The following LMNB2 variants were observed in gnomAD, a reference collection of about 807,000 sequenced individuals.
LMNB2 encodes lamin B2, also known as lamin-B2.
Under a neutral mutation model 69.3 loss-of-function variants are expected in LMNB2, and 17 were observed. The ratio of observed to expected loss-of-function variants is 0.25; its 90% CI spans 0.17 to 0.37. The LOEUF is 0.37. Among genes scored for constraint, LMNB2 ranks in the 10% least tolerant of loss-of-function variants. The pLI is 1.00. For synonymous variants in LMNB2, 397 were observed against 389.3 expected, an observed-to-expected ratio of 1.02 and a Z score of -0.23; for missense variants, 789 against 883.6, an observed-to-expected ratio of 0.89 and a Z score of 1.36.
intron 1 of LMNB2, among the ~76,000 whole-genome samples, chr19:2,450,242 G>A (rs1972006547): frequency 6.6e-6 from 1 of 151,996 alleles, no homozygotes; most frequent in African/African-American, 2.4e-5. Context: ...AGCCCGCTCA[G>A]GACCAACCAG....
At chr19:2,450,019 G>T (rs1281095983) in intron 1 of LMNB2, among the ~76,000 whole-genome samples, 18 of 152,000 alleles carry the variant, frequency 1.2e-4, no homozygotes, top group Non-Finnish European at 7.4e-5. Context: ...AGGTTGTGGT[G>T]AGCCAAGATC....
At chr19:2,456,634 T>A in intron 1 of LMNB2, 36 bp downstream of exon 1, 1 of 1,441,892 alleles carries the variant, frequency 6.9e-7, no homozygotes, top group East Asian at 3.2e-5. Flanking sequence ...GCCTGCCGGC[T>A]GCACCCCCGC....
chr19:2,437,176 C>A (rs955078197), intron 4 of LMNB2: 2 of 152,694 alleles, frequency 1.3e-5, no homozygotes, highest in Admixed American at 1.3e-4. Context: ...CCCCGGCATT[C>A]CACCCTGCAC....
rs555547660 is a variant in LMNB2 at position 2,430,196 on chromosome 19, T to G, written c.*715A>C. ...CTTACGACGGGACTGTCCTCATTCTTCCTTCCCCAGGTCTTCCCCTCCCCT... is the reference window on the plus strand; with the variant it reads ...CTTACGACGGGACTGTCCTCATTCTGCCTTCCCCAGGTCTTCCCCTCCCCT... On this transcript the variant is annotated 3_prime_UTR_variant, in exon 12 of 12. Transcript: ENST00000325327. 1 of 157,812 alleles carries G rather than the reference T, an allele frequency of 6.3e-6. No individual in the cohort carries two copies. Among genetic ancestry groups the G allele is most frequent in the Admixed American group, 6.0e-5 (1 of 16,686 alleles). 9.8% of individuals were successfully genotyped at this position (157,812 alleles called of 1,614,324 possible).
rs570998589 is a variant in LMNB2, at chr19:2,449,400, C to T, written c.265-4860G>A. ...ACGTCTCCTAACGACACGCTTTCCACAAGGTATCCCTGTCACTAAACGACA... is the reference window on the plus strand; with the variant it reads ...ACGTCTCCTAACGACACGCTTTCCATAAGGTATCCCTGTCACTAAACGACA... On this transcript the variant is annotated intron_variant, in intron 1 of 11. Transcript: ENST00000325327. Among the ~76,000 whole-genome samples the T allele has an allele frequency of 5.3e-4, 81 of 152,270 alleles. 1 individual carries two copies. Among genetic ancestry groups the T allele is most frequent in the African/African-American group, 1.9e-3 (80 of 41,514 alleles).
chr19:2,431,299 C>T (rs1243824331), intron 11 of LMNB2, among the ~76,000 whole-genome samples: 4 of 152,202 alleles, frequency 2.6e-5, no homozygotes, highest in Admixed American at 2.6e-4. Flanking sequence ...ACACCCACCT[C>T]TCAGGGGACC....
At chr19:2,432,338 AG>A in intron 9 of LMNB2, 77 bp downstream of exon 9, 2 of 981,308 alleles carry the variant, frequency 2.0e-6, no homozygotes, top group Admixed American at 1.8e-5. Flanking sequence ...ACCCCCGCCA[AG>A]TCCTGTGCCT....
chr19:2,445,397 G>C (rs924694249), intron 1 of LMNB2, among the ~76,000 whole-genome samples: 10 of 152,122 alleles, frequency 6.6e-5, no homozygotes, highest in Non-Finnish European at 1.3e-4. Flanking sequence ...GGAGGGAGGA[G>C]CATCTGGCCT....
intron 2 of LMNB2, among the ~76,000 whole-genome samples, chr19:2,441,240 C>T (rs1255568449): frequency 6.6e-6 from 1 of 152,266 alleles, no homozygotes; most frequent in African/African-American, 2.4e-5. Context: ...ACCCTGAATC[C>T]CGGGTCTGGC....
At chr19:2,451,768 A>C (rs1972024814) in intron 1 of LMNB2, among the ~76,000 whole-genome samples, 1 of 152,116 alleles carries the variant, frequency 6.6e-6, no homozygotes, top group African/African-American at 2.4e-5. Flanking sequence ...CGGCTGGAGG[A>C]GGCCACGGTG....
chr19:2,446,976 T>TA (rs994182318), intron 1 of LMNB2, among the ~76,000 whole-genome samples: 7 of 151,726 alleles, frequency 4.6e-5, no homozygotes, highest in African/African-American at 1.2e-4. Flanking sequence ...CCGTCTCTAC[T>TA]AAAAAAACAT....
At position 2,435,083 on chromosome 19, in the gene LMNB2, T is replaced by C; in HGVS notation, c.773A>G (p.Gln258Arg). 1 of 1,610,344 alleles carries C rather than the reference T, an allele frequency of 6.2e-7. No homozygotes were observed. The highest frequency in any genetic ancestry group is 2.2e-5 in the East Asian group (1 of 44,860). The change falls in exon 5 of 12, where the codon CAG becomes CGG. Residue 258 changes from glutamine (Q) to arginine (R), a missense_variant. Coordinates refer to ENST00000325327, the MANE Select transcript of LMNB2 (RefSeq NM_032737.4). Reference protein sequence around the residue: ...RQQEYDFKMAQALEELRSQHD... With the variant: ...RQQEYDFKMARALEELRSQHD... ...CTGGCTCCGCAGCTCCTCCAGCGCCTGTGCCATCTTGAAGTCGTACTCCTG... is the reference window on the plus strand; with the variant it reads ...CTGGCTCCGCAGCTCCTCCAGCGCCCGTGCCATCTTGAAGTCGTACTCCTG...
intron 8 of LMNB2, 58 bp downstream of exon 8, chr19:2,433,768 G>A: frequency 6.3e-7 from 1 of 1,590,164 alleles, no homozygotes. Flanking sequence ...CCCTGACCCT[G>A]GTCACCCCCA....
Position 2,428,225 on chromosome 19 carries a change from T to C in LMNB2, c.*2686A>G, listed in dbSNP as rs1297811528. On this transcript the variant is annotated 3_prime_UTR_variant, in exon 12 of 12. Transcript: ENST00000325327. ...AAAGTTTCCAGTCATAAAATGTATA[T>C]TACAAATCATTGGAAAAAAAAAAGA... The C allele has an allele frequency of 6.7e-6, 1 of 149,952 alleles. No homozygotes were observed. Among genetic ancestry groups the C allele is most frequent in the Non-Finnish European group, 1.5e-5 (1 of 67,882 alleles). 9.3% of individuals were successfully genotyped at this position (149,952 alleles called of 1,614,324 possible). A position where few individuals can be genotyped will look rare whatever the true frequency, so the allele number is the denominator to read the frequency against.
At position 2,428,420 on chromosome 19, in the gene LMNB2, A is replaced by ATCT. The variant is rs1971690733; in HGVS notation, c.*2488_*2490dup. 1 of 152,236 alleles carries ATCT rather than the reference A, an allele frequency of 6.6e-6. No individual in the cohort carries two copies. Among genetic ancestry groups the ATCT allele is most frequent in the Non-Finnish European group, 1.5e-5 (1 of 68,048 alleles). The allele number at this position is 152,236 out of a possible 1,614,324, so 9.4% of individuals were successfully genotyped here. ...GCCCCAGGACTGAGGAGTCCCTCAG[A>ATCT]TCTTTAACAAAGAACTGCCGCGTGC... is the stretch of plus-strand genomic sequence containing the variant. On this transcript the variant is annotated 3_prime_UTR_variant, in exon 12 of 12. Transcript: ENST00000325327.
chr19:2,434,094 G>T lies in LMNB2; in HGVS notation c.1214C>A (p.Ser405Tyr). 1 of 1,588,096 alleles carries T rather than the reference G, an allele frequency of 6.3e-7. No individual in the cohort carries two copies. Residue 405 changes from serine (S) to tyrosine (Y), a missense_variant, in exon 8 of 12, where the codon TCC becomes TAC. Coordinates refer to ENST00000325327, the MANE Select transcript of LMNB2 (RefSeq NM_032737.4). ...LEGEEERLKLSPSPSSRVTVS... is the reference protein window; with the variant it reads ...LEGEEERLKLYPSPSSRVTVS... The stretch of plus-strand genomic sequence containing the variant: ...GGTGACGCGCGAGGATGGGCTGGGG[G>T]ACAGCTTCAGCCTGTGGGGAAGGCA...
chr19:2,455,131 C>T (rs139554452), intron 1 of LMNB2, among the ~76,000 whole-genome samples: 207 of 152,184 alleles, frequency 1.4e-3, no homozygotes, highest in Non-Finnish European at 2.2e-3. Context: ...CGGCCCCCTA[C>T]CCACCCTGGG....
rs1971972351 is a variant in LMNB2, at chr19:2,447,705, G to C, written c.265-3165C>G. Among the ~76,000 whole-genome samples, 1 of 152,202 alleles carries C rather than the reference G, an allele frequency of 6.6e-6. No individual in the cohort carries two copies. Among genetic ancestry groups the C allele is most frequent in the Non-Finnish European group, 1.5e-5 (1 of 68,024 alleles). Reference sequence around the variant, plus strand: ...AGGGTGTCTATGCAAGGTGGGTACAGGGTCGGCCTGCATCTGGAGGGCCAC... The same window carrying C: ...AGGGTGTCTATGCAAGGTGGGTACACGGTCGGCCTGCATCTGGAGGGCCAC... On this transcript the variant is annotated intron_variant, in intron 1 of 11. Coordinates refer to ENST00000325327, the MANE Select transcript of LMNB2 (RefSeq NM_032737.4). The surrounding 1 kb of genome is among the most constrained non-coding windows in gnomAD (Gnocchi z 4.4).
chr19:2,436,466 C>T (rs921061416), intron 4 of LMNB2, among the ~76,000 whole-genome samples: 1 of 152,130 alleles, frequency 6.6e-6, no homozygotes, highest in East Asian at 1.9e-4. Flanking sequence ...GTCAGCAAGG[C>T]GGGTAGCCCA....
Sources: gnomAD v4.1 joint callset for allele counts (sites outside exome capture counted in the v4.1 genomes callset) on GRCh38, gnomAD v4.1.1 for gene constraint, Gnocchi (gnomAD v3.1) non-coding constraint, MANE v1.5 for transcripts, NCBI Gene and HGNC (gene_info 2026-07-23, HGNC 2026-07-21) for gene names.